The following SNX25 variants were observed in gnomAD, a reference collection of about 807,000 sequenced individuals.
The protein encoded by SNX25 is sorting nexin 25.
In SNX25, 62 loss-of-function variants were observed where a neutral mutation model predicts 113.7. That is an observed-to-expected ratio of 0.55 (90% CI 0.44 to 0.67). The LOEUF is 0.67. SNX25 is among the 30% of genes least tolerant of loss of function. The pLI, the probability that SNX25 is intolerant of heterozygous loss-of-function variation, is 0.00. For missense variants in SNX25, 1,014 were observed against 1,161.0 expected (o/e 0.87, Z 1.84); for synonymous variants, 421 against 436.2 (o/e 0.97, Z 0.43).
chr4:185,306,233 A>G (rs765752820), intron 6 of SNX25, among the ~76,000 whole-genome samples: 3 of 152,260 alleles, frequency 2.0e-5, no homozygotes, highest in Non-Finnish European at 2.9e-5. Context: ...CATGGGATGC[A>G]TGAGCTCCAC....
Position 185,297,363 on chromosome 4 carries a change from C to G in SNX25, c.1162+9281C>G, listed in dbSNP as rs1411502631. Among the ~76,000 whole-genome samples the G allele has an allele frequency of 2.0e-5, 3 of 152,158 alleles. No homozygotes were observed. In the East Asian group the frequency reaches 5.8e-4, roughly 29 times the overall value. ...AGCACTGCCCTACTCTAATCCTTTC[C>G]CTTATCTGTATGCTGAAGACTCCAA... On this transcript the variant is annotated intron_variant, in intron 6 of 18. Coordinates refer to ENST00000652585, the MANE Select transcript of SNX25 (RefSeq NM_001378034.2).
At position 185,256,624 on chromosome 4, in the gene SNX25, C is replaced by CTTT. The variant is rs35160292; in HGVS notation, c.515-2207_515-2205dup. On this transcript the variant is annotated intron_variant, in intron 2 of 18. Coordinates refer to ENST00000652585, the MANE Select transcript of SNX25 (RefSeq NM_001378034.2). ...CCCCCCAGAGAGCTCACCTAAATTTCTTTTTTTTTTTTTTTTTTTGAGTCA... is the reference window on the plus strand; with the variant it reads ...CCCCCCAGAGAGCTCACCTAAATTTCTTTTTTTTTTTTTTTTTTTTTTGAGTCA... 1.6e-3 allele frequency among the ~76,000 whole-genome samples: 178 copies of CTTT among 112,558 alleles called. 3 individuals are homozygous for CTTT. The highest frequency in any genetic ancestry group is 2.1e-3 in the Non-Finnish European group (115 of 55,254). 73.8% of individuals were successfully genotyped at this position (112,558 alleles called of 152,430 possible). A position where few individuals can be genotyped will look rare whatever the true frequency, so the allele number is the denominator to read the frequency against.
downstream of SNX25, among the ~76,000 whole-genome samples, chr4:185,368,431 C>T (rs952942817): frequency 1.3e-5 from 2 of 149,574 alleles, no homozygotes; most frequent in Admixed American, 6.7e-5. Flanking sequence ...GATTCTGCTC[C>T]CTCCCAACCT....
chr4:185,313,508 G>A (rs1025647629), intron 7 of SNX25, among the ~76,000 whole-genome samples: 19 of 152,106 alleles, frequency 1.2e-4, no homozygotes, highest in African/African-American at 4.1e-4. Context: ...GGAAAATCTG[G>A]AAAATTCCCA....
rs149674643 is a variant in SNX25, at chr4:185,238,305, TTCTTTC to T, written c.430-8984_430-8979del. Among the ~76,000 whole-genome samples, 3 of 152,200 alleles carry T rather than the reference TTCTTTC, an allele frequency of 2.0e-5. No individual in the cohort carries two copies. The East Asian group carries it at 5.8e-4, about 29-fold the overall frequency. ...AGCCCGCCTGCCATGGGAGCCTGTG[TTCTTTC>T]TCTTAACACGGCTGCTTGGCTTCCA... On this transcript the variant is annotated intron_variant, in intron 1 of 18. Transcript: ENST00000652585.
intron 9 of SNX25, among the ~76,000 whole-genome samples, chr4:185,324,194 A>G (rs1378629896): frequency 2.0e-5 from 3 of 152,186 alleles, no homozygotes; most frequent in Non-Finnish European, 2.9e-5. Flanking sequence ...GTAGAACTAT[A>G]TAGCCCTGGA....
intron 10 of SNX25, among the ~76,000 whole-genome samples, chr4:185,338,278 G>GT (rs1167262761): frequency 0.019 from 2,710 of 139,210 alleles, 30 homozygotes; most frequent in Non-Finnish European, 0.03. Context: ...TATTCTGTGT[G>GT]TTTTTTTTTT....
chr4:185,310,089 A>G (rs536872715), intron 6 of SNX25, among the ~76,000 whole-genome samples: 2 of 152,380 alleles, frequency 1.3e-5, no homozygotes, highest in South Asian at 4.1e-4. Flanking sequence ...TGTTTAAAAT[A>G]ATTTCCTCAA....
chr4:185,311,514 AT>A (rs541856281), intron 7 of SNX25, among the ~76,000 whole-genome samples: 115 of 152,310 alleles, frequency 7.6e-4, no homozygotes, highest in African/African-American at 2.6e-3. Flanking sequence ...GCATACTAAG[AT>A]AGAAGGAAGC....
At chr4:185,290,722 AGTG>A (rs1752049023) in intron 6 of SNX25, among the ~76,000 whole-genome samples, 1 of 152,172 alleles carries the variant, frequency 6.6e-6, no homozygotes, top group Non-Finnish European at 1.5e-5. Flanking sequence ...TTATAACTGA[AGTG>A]TTTGGTTTAT....
At chr4:185,353,935 T>C (rs1427116995) in intron 15 of SNX25, among the ~76,000 whole-genome samples, 1 of 151,896 alleles carries the variant, frequency 6.6e-6, no homozygotes, top group Non-Finnish European at 1.5e-5. Flanking sequence ...TCCCAGCTAC[T>C]TGGGAAGCTG....
chr4:185,315,680 C>T (rs969290999), intron 7 of SNX25, among the ~76,000 whole-genome samples: 10 of 152,104 alleles, frequency 6.6e-5, no homozygotes, highest in African/African-American at 2.2e-4. Context: ...GGGAACACTT[C>T]AACTCATCCT....
chr4:185,343,432 G>A (rs1245100050), intron 12 of SNX25, among the ~76,000 whole-genome samples: 1 of 152,158 alleles, frequency 6.6e-6, no homozygotes, highest in Non-Finnish European at 1.5e-5. Flanking sequence ...ATATGTATGT[G>A]CATTATGGAT....
chr4:185,321,650 T>G (rs191896881), intron 8 of SNX25, among the ~76,000 whole-genome samples: 388 of 152,310 alleles, frequency 2.5e-3, no homozygotes, highest in Non-Finnish European at 4.2e-3. Flanking sequence ...ATAATCAGCA[T>G]CATGCTTTGC....
chr4:185,362,262 G>C (rs2095368486), intron 17 of SNX25, 157 bp downstream of exon 17: 1 of 985,142 alleles, frequency 1.0e-6, no homozygotes, highest in African/African-American at 1.7e-5. Context: ...TTGCTAAGAA[G>C]TTATACTGAG....
chr4:185,219,174 G>A (rs1436736013), intron 1 of SNX25, among the ~76,000 whole-genome samples: 9 of 152,120 alleles, frequency 5.9e-5, no homozygotes, highest in South Asian at 2.1e-4. Flanking sequence ...GCCTTGGTCC[G>A]TCTTTCGGGG....
At chr4:185,216,706 A>G (rs1738907810) in intron 1 of SNX25, among the ~76,000 whole-genome samples, 1 of 151,778 alleles carries the variant, frequency 6.6e-6, no homozygotes, top group African/African-American at 2.4e-5. Flanking sequence ...TTTTTAGTAG[A>G]GATGGGGTTT....
intron 10 of SNX25, among the ~76,000 whole-genome samples, chr4:185,338,149 C>G (rs1388708416): frequency 6.6e-6 from 1 of 152,120 alleles, no homozygotes; most frequent in Admixed American, 6.6e-5. Flanking sequence ...TTCTTTGATG[C>G]ACAGAGTTTT....
At position 185,351,734 on chromosome 4, in the gene SNX25, C is replaced by T. The variant is rs537132930; in HGVS notation, c.2466+125C>T. 3.0e-6 allele frequency: 3 copies of T among 987,104 alleles called. No individual in the cohort carries two copies. In the South Asian group the frequency reaches 5.1e-5, roughly 17 times the overall value. The allele number at this position is 987,104 out of a possible 1,614,324, so 61.1% of individuals were successfully genotyped here. A position where few individuals can be genotyped will look rare whatever the true frequency, so the allele number is the denominator to read the frequency against. On this transcript the variant is annotated intron_variant, in intron 14 of 18. Coordinates refer to ENST00000652585, the MANE Select transcript of SNX25 (RefSeq NM_001378034.2). ...TTAGCACTGTCACATTTTGAGGCACCTGCTTGTATTTCTGTATCTTAATTC... is the reference window on the plus strand; with the variant it reads ...TTAGCACTGTCACATTTTGAGGCACTTGCTTGTATTTCTGTATCTTAATTC...
Sources: gnomAD v4.1 joint callset for allele counts (sites outside exome capture counted in the v4.1 genomes callset) on GRCh38, gnomAD v4.1.1 for gene constraint, MANE v1.5 for transcripts, NCBI Gene and HGNC (gene_info 2026-07-23, HGNC 2026-07-21) for gene names.